ADGRB3: variants seen among roughly 807,000 people sequenced by gnomAD.
The protein encoded by ADGRB3 is brain-specific angiogenesis inhibitor 3.
Under a neutral mutation model 193.4 loss-of-function variants are expected in ADGRB3, and 37 were observed. The ratio of observed to expected loss-of-function variants is 0.19; its 90% CI spans 0.15 to 0.25. The LOEUF is 0.25. Among genes scored for constraint, ADGRB3 ranks in the 10% least tolerant of loss-of-function variants. The pLI is 1.00. For missense variants in ADGRB3, 1,637 were observed against 1,852.9 expected (o/e 0.88, Z 2.14); for synonymous variants, 690 against 644.2 (o/e 1.07, Z -1.08).
chr6:68,726,146 A>G (rs1765670202), intron 3 of ADGRB3, among the ~76,000 whole-genome samples: 1 of 151,640 alleles, frequency 6.6e-6, no homozygotes, highest in Admixed American at 6.6e-5. Flanking sequence ...AAGATTATCT[A>G]TCAAATATTG....
chr6:69,249,865 C>T (rs1220133317), intron 20 of ADGRB3, among the ~76,000 whole-genome samples: 2 of 152,100 alleles, frequency 1.3e-5, no homozygotes, highest in Non-Finnish European at 2.9e-5. Flanking sequence ...AGGCATATGA[C>T]TGAGTTGAGT....
At position 69,118,514 on chromosome 6, in the gene ADGRB3, G is replaced by C. The variant is rs531362770; in HGVS notation, c.2480+42476G>C. 2.0e-5 allele frequency among the ~76,000 whole-genome samples: 3 copies of C among 152,134 alleles called. No homozygotes were observed. The South Asian group carries it at 6.2e-4, about 32-fold the overall frequency. ...CCATCTTCTCTCCTCCTTTACCTCA[G>C]TTCTAAATTCAGGCTTCAAGTAAGT... On this transcript the variant is annotated intron_variant, in intron 17 of 31. Coordinates refer to ENST00000370598, the MANE Select transcript of ADGRB3 (RefSeq NM_001704.3).
At chr6:68,958,370 A>G (rs1005278427) in intron 8 of ADGRB3, among the ~76,000 whole-genome samples, 1 of 152,220 alleles carries the variant, frequency 6.6e-6, no homozygotes, top group African/African-American at 2.4e-5. Flanking sequence ...TTAAACAAAA[A>G]CATTTATTTT....
At chr6:69,202,916 C>T (rs1167644007) in intron 17 of ADGRB3, among the ~76,000 whole-genome samples, 1 of 152,078 alleles carries the variant, frequency 6.6e-6, no homozygotes, top group Non-Finnish European at 1.5e-5. Context: ...AATGCTTTAG[C>T]AGAACGTTGG....
chr6:68,721,645 T>TATATATATAG (rs1765583731), intron 3 of ADGRB3, among the ~76,000 whole-genome samples: 1 of 146,732 alleles, frequency 6.8e-6, no homozygotes, highest in Non-Finnish European at 1.5e-5. Flanking sequence ...TATATATATA[T>TATATATATAG]ATATATATAT....
intron 17 of ADGRB3, among the ~76,000 whole-genome samples, chr6:69,130,701 A>C (rs1773985895): frequency 6.6e-6 from 1 of 151,466 alleles, no homozygotes; most frequent in South Asian, 2.1e-4. Context: ...GTTTTTTCTA[A>C]GTATTTAACC....
At chr6:69,307,486 A>G (rs74518143) in intron 20 of ADGRB3, among the ~76,000 whole-genome samples, 5,035 of 151,684 alleles carry the variant, frequency 0.033, 365 homozygotes, top group African/African-American at 0.11. Context: ...ATTTGAAATA[A>G]CAAACAAGGA....
In ADGRB3 at chr6:68,922,484, A is replaced by G. The variant is rs78022366; in HGVS notation, c.758-8075A>G. Among the ~76,000 whole-genome samples, 1,157 of 152,330 alleles carry G rather than the reference A, an allele frequency of 7.6e-3. 14 individuals are homozygous for G. Among genetic ancestry groups the G allele is most frequent in the African/African-American group, 0.025 (1,048 of 41,576 alleles). ...GTCTTGAGGAAACGAAACAACTCTT[A>G]TGTTACTCAGACTCGTGCATGTGCA... On this transcript the variant is annotated intron_variant, in intron 3 of 31. Transcript: ENST00000370598.
chr6:68,787,586 G>A (rs968063029), intron 3 of ADGRB3, among the ~76,000 whole-genome samples: 2 of 152,150 alleles, frequency 1.3e-5, no homozygotes, highest in African/African-American at 2.4e-5. Flanking sequence ...TTGCATCGAT[G>A]TTCATCAAGA....
At chr6:69,019,267 T>C (rs1770189854) in intron 13 of ADGRB3, among the ~76,000 whole-genome samples, 3 of 152,016 alleles carry the variant, frequency 2.0e-5, no homozygotes, top group African/African-American at 7.2e-5. Context: ...TCATTTGTCA[T>C]ACTTTAATAC....
At chr6:69,260,266 A>G (rs1403933955) in intron 20 of ADGRB3, among the ~76,000 whole-genome samples, 1 of 152,182 alleles carries the variant, frequency 6.6e-6, no homozygotes, top group African/African-American at 2.4e-5. Context: ...ATGATTTTAC[A>G]TGGTAAACCT....
At chr6:69,269,482 TTA>T (rs1180107703) in intron 20 of ADGRB3, among the ~76,000 whole-genome samples, 1 of 152,176 alleles carries the variant, frequency 6.6e-6, no homozygotes, top group Non-Finnish European at 1.5e-5. Context: ...ATGTTCAAAA[TTA>T]GTTATACTTC....
chr6:68,808,856 C>A (rs1172024765), intron 3 of ADGRB3, among the ~76,000 whole-genome samples: 2 of 152,128 alleles, frequency 1.3e-5, no homozygotes, highest in Non-Finnish European at 2.9e-5. Flanking sequence ...GGTCAGAAGA[C>A]CACCTGTAAA....
intron 17 of ADGRB3, among the ~76,000 whole-genome samples, chr6:69,103,705 T>C (rs1300830665): frequency 1.3e-5 from 2 of 151,620 alleles, no homozygotes; most frequent in Non-Finnish European, 2.9e-5. Flanking sequence ...CTCTTACATA[T>C]ACACTCAGGA....
chr6:69,262,522 A>C (rs1366341721), intron 20 of ADGRB3, among the ~76,000 whole-genome samples: 3 of 151,918 alleles, frequency 2.0e-5, no homozygotes, highest in African/African-American at 7.2e-5. Flanking sequence ...TGTTTTCAAA[A>C]ACCTATCATT....
intron 17 of ADGRB3, among the ~76,000 whole-genome samples, chr6:69,077,125 GA>G: frequency 6.6e-6 from 1 of 151,988 alleles, no homozygotes; most frequent in Non-Finnish European, 1.5e-5. Context: ...GTTAAGTACA[GA>G]GAATTCCAAC....
In ADGRB3 at chr6:68,788,158, G is replaced by T. The variant is rs539636060; in HGVS notation, c.758-142401G>T. Among the ~76,000 whole-genome samples the T allele has an allele frequency of 2.8e-3, 433 of 152,108 alleles. 1 individual carries two copies. The highest frequency in any genetic ancestry group is 4.6e-3 in the Non-Finnish European group (314 of 68,002). On this transcript the variant is annotated intron_variant, in intron 3 of 31. Transcript: ENST00000370598. ...GTTTTTTGTGTCTCTATTTCCTTCG[G>T]TTCTGCTCTGATCTTAATTATTTCT...
chr6:69,168,002 G>A (rs1000297117), intron 17 of ADGRB3, among the ~76,000 whole-genome samples: 7 of 152,140 alleles, frequency 4.6e-5, no homozygotes, highest in Non-Finnish European at 8.8e-5. Context: ...AATGAGAAAC[G>A]ATGTATGATC....
At chr6:69,105,928 A>G (rs888514700) in intron 17 of ADGRB3, among the ~76,000 whole-genome samples, 9 of 152,238 alleles carry the variant, frequency 5.9e-5, no homozygotes, top group African/African-American at 2.2e-4. Flanking sequence ...TGAGGTCAGG[A>G]GTTTGAGACC....
Sources: allele counts gnomAD v4.1 joint callset (sites outside exome capture counted in the v4.1 genomes callset), GRCh38; gene constraint gnomAD v4.1.1; transcripts MANE v1.5; gene names NCBI Gene and HGNC (gene_info 2026-07-23, HGNC 2026-07-21).